MAPKBP1: variants seen among roughly 807,000 people sequenced by gnomAD.
MAPKBP1 encodes mitogen-activated protein kinase binding protein 1.
A neutral mutation model predicts 170.5 loss-of-function variants in MAPKBP1; 71 were observed. That is an observed-to-expected ratio of 0.42 (90% CI 0.34 to 0.51). The LOEUF (loss-of-function observed/expected upper bound fraction) is 0.51, where lower values mean the gene tolerates loss of function less well. MAPKBP1 is among the 20% of genes least tolerant of loss of function. The pLI is 0.06. For missense variants in MAPKBP1, 1,598 were observed against 1,933.0 expected, an observed-to-expected ratio of 0.83 and a Z score of 3.25; for synonymous variants, 719 against 757.9, an observed-to-expected ratio of 0.95 and a Z score of 0.84.
At chr15:41,795,844 C>T (rs777798554) in intron 2 of MAPKBP1, among the ~76,000 whole-genome samples, 4 of 152,138 alleles carry the variant, frequency 2.6e-5, no homozygotes. Context: ...CTCCTGACCT[C>T]GTGATCCGCC....
At chr15:41,800,916 G>A (rs1222745733) in intron 3 of MAPKBP1, among the ~76,000 whole-genome samples, 4 of 151,910 alleles carry the variant, frequency 2.6e-5, no homozygotes, top group Admixed American at 1.3e-4. Context: ...CCATTTTTTT[G>A]TAGAGACAGG....
rs562296290 is a variant in MAPKBP1, at chr15:41,794,955, A to C, written c.115-4868A>C. 5.9e-5 allele frequency among the ~76,000 whole-genome samples: 9 copies of C among 152,244 alleles called. No individual in the cohort carries two copies. In the East Asian group the frequency reaches 1.7e-3, roughly 29 times the overall value. On this transcript the variant is annotated intron_variant, in intron 2 of 30. Coordinates refer to ENST00000457542, the MANE Select transcript of MAPKBP1 (RefSeq NM_014994.3). Reference sequence around the variant, plus strand: ...CGAGGCGGGCAGATCACTTGAGGTCAGGGGTTCAAGACCAGCCTGGTCAAT... The same window carrying C: ...CGAGGCGGGCAGATCACTTGAGGTCCGGGGTTCAAGACCAGCCTGGTCAAT...
chr15:41,819,304 G>A lies in MAPKBP1; in HGVS notation c.2350G>A (p.Glu784Lys). The change falls in exon 21 of 31, where the codon GAG becomes AAG. Residue 784 changes from glutamate (E) to lysine (K), a missense_variant. By Grantham distance (56) the Glu-to-Lys change is moderately conservative. This residue lies in a region of MAPKBP1 where 942 missense variants were observed against 953.2 expected (regional missense o/e 0.99). Transcript: ENST00000457542. ...GPALSSDSDK[E>K]GEDEGTEEEL... ...GGCTCTCTCATCAGACAGTGACAAG[G>A]AGGGAGAAGATGAGGGGACTGAAGA... The A allele has an allele frequency of 6.2e-7, 1 of 1,614,216 alleles. No individual in the cohort carries two copies. Among genetic ancestry groups the A allele is most frequent in the Non-Finnish European group, 8.5e-7 (1 of 1,180,042 alleles).
chr15:41,823,052 C>T lies in MAPKBP1; in HGVS notation c.3428C>T (p.Pro1143Leu), dbSNP rs553960070. 4.6e-5 allele frequency: 75 copies of T among 1,613,890 alleles called. No individual in the cohort carries two copies. The highest frequency in any genetic ancestry group is 3.3e-4 in the Middle Eastern group (2 of 6,062). The change falls in exon 28 of 31, where the codon CCG (proline) becomes CTG (leucine). Residue 1143 changes from proline (P) to leucine (L), a missense_variant. This residue lies in a region of MAPKBP1 where 942 missense variants were observed against 953.2 expected (regional missense o/e 0.99). Coordinates refer to ENST00000457542, the MANE Select transcript of MAPKBP1 (RefSeq NM_014994.3). ...GNGANPPGAP[P>L]EVEPSSGNPS... The stretch of plus-strand genomic sequence containing the variant: ...GGTGCCAATCCCCCTGGAGCACCCC[C>T]GGAGGTGGAACCGTCCTCTGGCAAC...
intron 3 of MAPKBP1, among the ~76,000 whole-genome samples, chr15:41,800,875 G>T (rs1391785205): frequency 6.6e-6 from 1 of 152,242 alleles, no homozygotes; most frequent in Non-Finnish European, 1.5e-5. Context: ...CTGGAGCTAT[G>T]GGTGTGTGCC....
chr15:41,781,590 C>T (rs1399756585), intron 2 of MAPKBP1, among the ~76,000 whole-genome samples: 1 of 152,056 alleles, frequency 6.6e-6, no homozygotes, highest in Non-Finnish European at 1.5e-5. Context: ...CTGCAGTGAG[C>T]TATGATGGCA....
chr15:41,782,177 G>A (rs1395082233), intron 2 of MAPKBP1, among the ~76,000 whole-genome samples: 1 of 150,822 alleles, frequency 6.6e-6, no homozygotes, highest in East Asian at 1.9e-4. Flanking sequence ...CAGGAGAATG[G>A]TGTGAACTCG....
chr15:41,786,777 A>ATATAT (rs1555448144), intron 2 of MAPKBP1, among the ~76,000 whole-genome samples: 5 of 32,470 alleles, frequency 1.5e-4, no homozygotes, highest in African/African-American at 1.3e-4. Context: ...AAAAAAAAAA[A>ATATAT]ATATATATAT....
At position 41,819,612 on chromosome 15, in the gene MAPKBP1, G is replaced by C. The variant is rs565825517; in HGVS notation, c.2443G>C (p.Ala815Pro). The change falls in exon 22 of 31, where the codon GCT becomes CCT. Residue 815 changes from alanine to proline, a missense_variant. By Grantham distance (27) the Ala-to-Pro change is conservative. Coordinates refer to ENST00000457542, the MANE Select transcript of MAPKBP1 (RefSeq NM_014994.3). Reference protein sequence around the residue: ...KKALASVPSPALPRSLSHWEM... With the variant: ...KKALASVPSPPLPRSLSHWEM... ...CTGTCTAGCCTCGGTCCCCAGCCCA[G>C]CTTTGCCCCGAAGCCTGTCCCACTG... 6.2e-7 allele frequency: 1 copy of C among 1,610,640 alleles called. No individual in the cohort carries two copies. Among genetic ancestry groups the C allele is most frequent in the South Asian group, 1.1e-5 (1 of 91,014 alleles).
intron 29 of MAPKBP1, 59 bp from the exon 30 acceptor site, chr15:41,824,425 T>A (rs2065054136): frequency 6.9e-7 from 1 of 1,458,172 alleles, no homozygotes; most frequent in South Asian, 1.2e-5. Flanking sequence ...GTGTCTTGGG[T>A]GCGGAGGCCT....
intron 2 of MAPKBP1, among the ~76,000 whole-genome samples, chr15:41,783,002 A>G (rs1377707322): frequency 6.6e-6 from 1 of 152,168 alleles, no homozygotes; most frequent in East Asian, 1.9e-4. Flanking sequence ...AAACTGTGCA[A>G]CCTTGGTTCT....
At chr15:41,811,804 T>C (rs2064811552) in intron 5 of MAPKBP1, 153 bp from the exon 6 acceptor site, 1 of 775,662 alleles carries the variant, frequency 1.3e-6, no homozygotes, top group Non-Finnish European at 2.2e-6. Context: ...CAGATCTTTA[T>C]CATATTTCCT....
Position 41,822,436 on chromosome 15 carries a change from G to A in MAPKBP1, c.3229+14G>A, listed in dbSNP as rs1320527092. 2 of 1,612,246 alleles carry A rather than the reference G, an allele frequency of 1.2e-6. No individual in the cohort carries two copies. The highest frequency in any genetic ancestry group is 1.7e-5 in the Admixed American group (1 of 59,906). On this transcript the variant is annotated intron_variant, in intron 26 of 30. Transcript: ENST00000457542. ...GAGCTGCTCCAGGTGTGGTCAGAGGGCCAGCATTTAGTGCCTGCAATTTGC... is the reference window on the plus strand; with the variant it reads ...GAGCTGCTCCAGGTGTGGTCAGAGGACCAGCATTTAGTGCCTGCAATTTGC...
chr15:41,786,778 A>AAATATATATATATATATATATG (rs60597754), intron 2 of MAPKBP1, among the ~76,000 whole-genome samples: 1 of 29,474 alleles, frequency 3.4e-5, no homozygotes, highest in African/African-American at 1.1e-4. Flanking sequence ...AAAAAAAAAA[A>AAATATATATATATATATATATG]TATATATATA....
chr15:41,784,079 G>A lies in MAPKBP1; in HGVS notation c.114+8690G>A, dbSNP rs1033939370. Among the ~76,000 whole-genome samples, 11 of 152,296 alleles carry A rather than the reference G, an allele frequency of 7.2e-5. No homozygotes were observed. In the East Asian group the frequency reaches 9.6e-4, roughly 13 times the overall value. ...GAGAAAAGCAAGCAGCTGCTTGTCA[G>A]GACTAAACTTGTAACATGCAGGCCT... is the stretch of plus-strand genomic sequence containing the variant. On this transcript the variant is annotated intron_variant, in intron 2 of 30. Transcript: ENST00000457542.
intron 22 of MAPKBP1, among the ~76,000 whole-genome samples, chr15:41,820,119 G>A (rs2064969482): frequency 6.6e-6 from 1 of 152,184 alleles, no homozygotes; most frequent in Non-Finnish European, 1.5e-5. Flanking sequence ...GAGGGAAAAG[G>A]CCATGAGGGG....
Position 41,813,624 on chromosome 15 carries a change from A to G in MAPKBP1, c.823A>G (p.Thr275Ala), listed in dbSNP as rs1267972548. The change falls in exon 9 of 31, where the codon ACA becomes GCA. Residue 275 changes from threonine (T) to alanine (A), a missense_variant. Around this residue, in one of 6 missense-constraint regions of MAPKBP1, gnomAD observed 430 missense variants for 617.2 expected, o/e 0.70. Transcript: ENST00000457542. ...AGCTGAGCCACTCTGCCCACAGACC[A>G]CAGTGGCCCACTGCATCTCTGTGAG... ...LLDKWVELRTTVAHCISVSQD... is the reference protein window; with the variant it reads ...LLDKWVELRTAVAHCISVSQD... The G allele has an allele frequency of 1.9e-6, 3 of 1,613,738 alleles. No individual in the cohort carries two copies. Among genetic ancestry groups the G allele is most frequent in the Non-Finnish European group, 2.5e-6 (3 of 1,179,856 alleles).
Position 41,822,401 on chromosome 15 carries a change from C to T in MAPKBP1, c.3208C>T (p.Leu1070=). The T allele has an allele frequency of 6.2e-7, 1 of 1,614,058 alleles. No individual in the cohort carries two copies. The highest frequency in any genetic ancestry group is 8.5e-7 in the Non-Finnish European group (1 of 1,179,992). The change falls in exon 26 of 31, where the codon CTG becomes TTG. Residue 1070 remains leucine (L), a synonymous_variant. Transcript: ENST00000457542. Reference sequence around the variant, plus strand: ...GTTTCTAAAACAGCACTTTGAGACTCTGGCCAGTGGAGCTGCTCCAGGTGT... The same window carrying T: ...GTTTCTAAAACAGCACTTTGAGACTTTGGCCAGTGGAGCTGCTCCAGGTGT... The part of the protein sequence containing the change: ...EQFLKQHFET[L]ASGAAPGAPV...
chr15:41,812,758 A>C, intron 7 of MAPKBP1, 105 bp downstream of exon 7: 4 of 1,474,390 alleles, frequency 2.7e-6, no homozygotes, highest in Non-Finnish European at 3.6e-6. Flanking sequence ...CATTCCCAGC[A>C]GTCATGCAGA....
Sources: allele counts gnomAD v4.1 joint callset (sites outside exome capture counted in the v4.1 genomes callset), GRCh38; gene constraint gnomAD v4.1.1; regional missense constraint gnomAD v4.1.1; transcripts MANE v1.5; gene names NCBI Gene and HGNC (gene_info 2026-07-23, HGNC 2026-07-21).